Variants in WT1 observed in about 807,000 individuals in gnomAD.
WT1 encodes Wilms tumor protein.
A neutral mutation model predicts 60.8 loss-of-function variants in WT1; 8 were observed. The observed-to-expected ratio is 0.13, with a 90% CI of 0.08 to 0.24. The LOEUF is 0.24. Among genes scored for constraint, WT1 ranks in the 10% least tolerant of loss-of-function variants. The pLI, the probability that WT1 is intolerant of heterozygous loss-of-function variation, is 1.00. For missense variants in WT1, 568 were observed against 711.8 expected (o/e 0.80, Z 2.30); for synonymous variants, 312 against 297.1 (o/e 1.05, Z -0.52).
At position 32,431,221 on chromosome 11, in the gene WT1, A is replaced by G. The variant is rs1162783700; in HGVS notation, c.662-2602T>C. Among the ~76,000 whole-genome samples, 6 of 152,298 alleles carry G rather than the reference A, an allele frequency of 3.9e-5. No homozygotes were observed. In the East Asian group the frequency reaches 1.2e-3, roughly 30 times the overall value. On this transcript the variant is annotated intron_variant, in intron 1 of 9. Transcript: ENST00000452863. ...AGCCAGGAAGGTGCTCAGAAGGCTG[A>G]AAACGATGACTGCAGCTGCACTGTG... is the stretch of plus-strand genomic sequence containing the variant.
chr11:32,432,116 C>T (rs902115589), intron 1 of WT1, among the ~76,000 whole-genome samples: 4 of 152,202 alleles, frequency 2.6e-5, no homozygotes, highest in Admixed American at 2.0e-4. Context: ...GATTAGGATG[C>T]AAGATATAAT....
At chr11:32,415,319 G>A (rs1375198234) in intron 5 of WT1, among the ~76,000 whole-genome samples, 1 of 152,094 alleles carries the variant, frequency 6.6e-6, no homozygotes, top group Non-Finnish European at 1.5e-5. Flanking sequence ...AAGAAAGGGT[G>A]GGACCAAGAA....
intron 7 of WT1, among the ~76,000 whole-genome samples, chr11:32,394,109 G>A (rs1851896941): frequency 6.6e-6 from 1 of 152,042 alleles, no homozygotes; most frequent in African/African-American, 2.4e-5. Flanking sequence ...TATTGCCCAG[G>A]CTGGTCTTGA....
intron 9 of WT1, among the ~76,000 whole-genome samples, 155 bp downstream of exon 9, chr11:32,391,817 A>G (rs1228660144): frequency 6.6e-6 from 1 of 152,152 alleles, no homozygotes; most frequent in African/African-American, 2.4e-5. Flanking sequence ...GTTATTATTT[A>G]TTATTTAAAG....
chr11:32,435,345 G>A lies in WT1; in HGVS notation c.16C>T (p.Leu6=). The A allele has an allele frequency of 6.5e-7, 1 of 1,529,536 alleles. No individual in the cohort carries two copies. Among genetic ancestry groups the A allele is most frequent in the South Asian group, 1.2e-5 (1 of 83,876 alleles). 94.7% of individuals were successfully genotyped at this position (1,529,536 alleles called of 1,614,324 possible). The stretch of plus-strand genomic sequence containing the variant: ...ACACACGTGGAAGCCGGGTCCTGCA[G>A]CAAGAGGAAGTCCAGGATCGCGGCG... The change falls in exon 1 of 10, where the codon CTG becomes TTG. Residue 6 remains leucine (L), a synonymous_variant. Transcript: ENST00000452863.
intron 1 of WT1, chr11:32,430,932 C>T: frequency 2.1e-6 from 2 of 961,694 alleles, no homozygotes; most frequent in Non-Finnish European, 2.6e-6. Flanking sequence ...GGGGCAGGGG[C>T]CAGGGGAGGT....
intron 1 of WT1, among the ~76,000 whole-genome samples, chr11:32,429,608 C>G (rs555176075): frequency 9.2e-5 from 14 of 152,156 alleles, no homozygotes; most frequent in African/African-American, 3.1e-4. Context: ...AAGGATCCTT[C>G]GGCTAAAGAT....
chr11:32,405,875 C>T lies in WT1; in HGVS notation c.1017-5831G>A, dbSNP rs113648001. On this transcript the variant is annotated intron_variant, in intron 5 of 9. Transcript: ENST00000452863. The stretch of plus-strand genomic sequence containing the variant: ...GCAGAGCTAGAGTTTGAGTCCAGGT[C>T]AGTGCTTTTCTTCCTTCCAAATGAG... 5.2e-3 allele frequency among the ~76,000 whole-genome samples: 793 copies of T among 152,334 alleles called. 9 individuals are homozygous for T. Among genetic ancestry groups the T allele is most frequent in the African/African-American group, 0.018 (749 of 41,576 alleles).
At chr11:32,434,154 C>T (rs967146524) in intron 1 of WT1, among the ~76,000 whole-genome samples, 2 of 152,218 alleles carry the variant, frequency 1.3e-5, no homozygotes, top group African/African-American at 4.8e-5. Context: ...TAGTTCTCTA[C>T]GATACTTAAT....
Position 32,427,969 on chromosome 11 carries a change from T to A in WT1, c.874A>T (p.Thr292Ser). The change falls in exon 3 of 10, where the codon ACG becomes TCG. Residue 292 changes from threonine to serine, a missense_variant. Thr to Ser is a moderately conservative substitution (Grantham distance 58). Around this residue, in one of 3 missense-constraint regions of WT1, gnomAD observed 523 missense variants for 565.1 expected, o/e 0.93. Coordinates refer to ENST00000452863, the MANE Select transcript of WT1 (RefSeq NM_024426.6). ...GCGCCTTCCTACCTGCTGTAGGGCG[T>A]CCTCAGCAGCAAAGCCTGGCTGCCG... 1 of 1,611,140 alleles carries A rather than the reference T, an allele frequency of 6.2e-7. No individual in the cohort carries two copies. The highest frequency in any genetic ancestry group is 8.5e-7 in the Non-Finnish European group (1 of 1,179,060).
chr11:32,391,651 A>G (rs1157621820), intron 9 of WT1, among the ~76,000 whole-genome samples: 1 of 152,210 alleles, frequency 6.6e-6, no homozygotes, highest in Non-Finnish European at 1.5e-5. Context: ...TGTAAAGTTG[A>G]TTATCGTATC....
chr11:32,391,926 G>A (rs771827898), intron 9 of WT1, 46 bp downstream of exon 9: 14 of 1,576,072 alleles, frequency 8.9e-6, no homozygotes, highest in Middle Eastern at 1.8e-4. Flanking sequence ...TTCCACAATA[G>A]TTTAAAAAAA....
At chr11:32,402,501 C>T (rs1295747448) in intron 5 of WT1, among the ~76,000 whole-genome samples, 1 of 152,232 alleles carries the variant, frequency 6.6e-6, no homozygotes, top group East Asian at 1.9e-4. Flanking sequence ...GAGAAGCTGC[C>T]TTTGCTTGCT....
In WT1 at chr11:32,388,974, G is replaced by A; in HGVS notation, c.*84C>T. The A allele has an allele frequency of 6.2e-7, 1 of 1,604,470 alleles. No individual in the cohort carries two copies. Among genetic ancestry groups the A allele is most frequent in the Non-Finnish European group, 8.5e-7 (1 of 1,174,028 alleles). ...AAGATCAACTGAAGTTTCCTTTTTA[G>A]TGAGGAGGAGTGGAGAGTCAGACTT... On this transcript the variant is annotated 3_prime_UTR_variant, in exon 10 of 10. Coordinates refer to ENST00000452863, the MANE Select transcript of WT1 (RefSeq NM_024426.6).
intron 1 of WT1, among the ~76,000 whole-genome samples, chr11:32,430,258 G>T (rs140748290): frequency 6.6e-6 from 1 of 152,074 alleles, no homozygotes; most frequent in Admixed American, 6.6e-5. Context: ...CTGCATGGGC[G>T]AGCACGTTTG....
intron 3 of WT1, among the ~76,000 whole-genome samples, chr11:32,418,884 G>A (rs897454815): frequency 6.6e-6 from 1 of 152,114 alleles, no homozygotes; most frequent in African/African-American, 2.4e-5. Flanking sequence ...CTTAGTGGTG[G>A]GTACACAGGA....
rs755113185 is a variant in WT1 at position 32,427,937 on chromosome 11, G to C, written c.887+19C>G. Reference sequence around the variant, plus strand: ...CCGGGGTCCCAAGGACCCAGACGCAGAGCCCAGCGCCTTCCTACCTGCTGT... The same window carrying C: ...CCGGGGTCCCAAGGACCCAGACGCACAGCCCAGCGCCTTCCTACCTGCTGT... On this transcript the variant is annotated intron_variant, in intron 3 of 9. Coordinates refer to ENST00000452863, the MANE Select transcript of WT1 (RefSeq NM_024426.6). 2.5e-6 allele frequency: 4 copies of C among 1,599,674 alleles called. No homozygotes were observed. The Admixed American group carries it at 5.1e-5, about 20-fold the overall frequency.
intron 3 of WT1, among the ~76,000 whole-genome samples, chr11:32,426,234 G>A (rs114596230): frequency 0.011 from 1,630 of 152,298 alleles, 30 homozygotes; most frequent in African/African-American, 0.032. Context: ...TCTCAGCCTA[G>A]TGTGACACAC....
chr11:32,394,930 G>A (rs539670851), intron 7 of WT1, among the ~76,000 whole-genome samples: 26 of 152,314 alleles, frequency 1.7e-4, no homozygotes, highest in African/African-American at 6.3e-4. Flanking sequence ...TTTTCAGGCA[G>A]GACTTTACTT....
Sources: gnomAD v4.1 joint callset for allele counts (sites outside exome capture counted in the v4.1 genomes callset) on GRCh38, gnomAD v4.1.1 for gene constraint, gnomAD v4.1.1 regional missense constraint, MANE v1.5 for transcripts, NCBI Gene and HGNC (gene_info 2026-07-23, HGNC 2026-07-21) for gene names.